Variants in ULK4 observed in about 807,000 individuals in gnomAD.
The protein encoded by ULK4 is unc-51 like kinase 4, also known as inactive serine/threonine-protein kinase ULK4.
A neutral mutation model predicts 160.6 loss-of-function variants in ULK4; 133 were observed. The ratio of observed to expected loss-of-function variants is 0.83; its 90% confidence interval spans 0.72 to 0.96. ULK4 has a LOEUF of 0.96. Ranked by LOEUF, ULK4 falls within the 40% of genes least tolerant of loss-of-function variation. The pLI is 0.00. For synonymous variants in ULK4, 534 were observed against 539.8 expected (o/e 0.99, Z 0.15); for missense variants, 1,580 against 1,499.5 (o/e 1.05, Z -0.89).
chr3:41,721,356 A>T (rs1407752089), intron 22 of ULK4, among the ~76,000 whole-genome samples: 1 of 61,640 alleles, frequency 1.6e-5, no homozygotes, highest in African/African-American at 8.8e-5. Flanking sequence ...ATATATATAT[A>T]TATATATTTT....
Position 41,306,748 on chromosome 3 carries a change from G to A in ULK4, c.3679-57174C>T, listed in dbSNP as rs1191527325. On this transcript the variant is annotated intron_variant, in intron 35 of 36. Transcript: ENST00000301831. ...AAGATTGAGAAATCGGATGGTTGCCGTGTCTGTGTAGAAAGAAGTAAACAT... is the reference window on the plus strand; with the variant it reads ...AAGATTGAGAAATCGGATGGTTGCCATGTCTGTGTAGAAAGAAGTAAACAT... 2.6e-5 allele frequency among the ~76,000 whole-genome samples: 4 copies of A among 151,846 alleles called. No individual in the cohort carries two copies. In the East Asian group the frequency reaches 5.8e-4, roughly 22 times the overall value.
chr3:41,875,791 A>G (rs1697275626), intron 17 of ULK4, among the ~76,000 whole-genome samples: 2 of 152,102 alleles, frequency 1.3e-5, no homozygotes, highest in African/African-American at 2.4e-5. Flanking sequence ...CATACATCAC[A>G]TGAGAGCTAA....
At chr3:41,405,938 G>A (rs146691270) in intron 34 of ULK4, among the ~76,000 whole-genome samples, 32 of 151,992 alleles carry the variant, frequency 2.1e-4, no homozygotes, top group South Asian at 6.2e-4. Context: ...TAGGTTGTCC[G>A]TTTCTTTTGC....
intron 32 of ULK4, among the ~76,000 whole-genome samples, chr3:41,562,187 A>T (rs973170913): frequency 6.6e-6 from 1 of 152,174 alleles, no homozygotes; most frequent in Non-Finnish European, 1.5e-5. Context: ...GAGTTTCCTA[A>T]TCCTGAGTTC....
chr3:41,393,050 A>G (rs976205162), intron 35 of ULK4, among the ~76,000 whole-genome samples: 23 of 152,178 alleles, frequency 1.5e-4, no homozygotes, highest in Non-Finnish European at 4.4e-5. Flanking sequence ...GCTTCAGACT[A>G]TGGGATAACT....
At chr3:41,486,762 C>T (rs576421008) in intron 32 of ULK4, among the ~76,000 whole-genome samples, 35 of 152,278 alleles carry the variant, frequency 2.3e-4, no homozygotes, top group African/African-American at 8.2e-4. Context: ...TCTGGACTAA[C>T]TGCAGAGGTT....
intron 32 of ULK4, among the ~76,000 whole-genome samples, chr3:41,563,067 C>G (rs1482786797): frequency 2.0e-5 from 3 of 152,032 alleles, no homozygotes; most frequent in Non-Finnish European, 4.4e-5. Flanking sequence ...TGGTGACAGT[C>G]TCTCAGCATT....
chr3:41,858,502 T>A (rs370957869), intron 17 of ULK4, among the ~76,000 whole-genome samples: 6,325 of 144,608 alleles, frequency 0.044, 428 homozygotes, highest in African/African-American at 0.16. Flanking sequence ...TTTCCAGAAA[T>A]TTTTCAATTT....
At chr3:41,953,588 T>C (rs1187569935) in intron 2 of ULK4, among the ~76,000 whole-genome samples, 2 of 151,996 alleles carry the variant, frequency 1.3e-5, no homozygotes, top group Admixed American at 1.3e-4. Flanking sequence ...ATATATTTTT[T>C]AAGCTAGGTA....
chr3:41,530,020 G>T (rs2086248111), intron 32 of ULK4, among the ~76,000 whole-genome samples: 1 of 152,138 alleles, frequency 6.6e-6, no homozygotes, highest in African/African-American at 2.4e-5. Flanking sequence ...TTTTTGCAGA[G>T]ATGAAAATAT....
intron 31 of ULK4, among the ~76,000 whole-genome samples, chr3:41,579,744 G>A (rs892582459): frequency 6.6e-5 from 10 of 151,894 alleles, no homozygotes; most frequent in Non-Finnish European, 1.0e-4. Flanking sequence ...CGCCCGTCTC[G>A]GCCTCCCAAA....
chr3:41,287,842 T>A (rs759183922), intron 35 of ULK4, among the ~76,000 whole-genome samples: 10 of 152,198 alleles, frequency 6.6e-5, no homozygotes, highest in Non-Finnish European at 1.5e-4. Flanking sequence ...GTCAGGTTTG[T>A]TCACAAATGT....
intron 27 of ULK4, among the ~76,000 whole-genome samples, chr3:41,691,393 C>G (rs2036292459): frequency 6.6e-6 from 1 of 151,846 alleles, no homozygotes; most frequent in African/African-American, 2.4e-5. Flanking sequence ...GGCCCTCTTC[C>G]AACTGTACTT....
At chr3:41,657,029 G>A (rs1216870368) in intron 30 of ULK4, among the ~76,000 whole-genome samples, 1 of 152,090 alleles carries the variant, frequency 6.6e-6, no homozygotes, top group Non-Finnish European at 1.5e-5. Flanking sequence ...GCAGTGCTCA[G>A]GGGAGTTAAC....
intron 35 of ULK4, among the ~76,000 whole-genome samples, chr3:41,370,198 T>TA (rs916609409): frequency 4.6e-4 from 68 of 147,362 alleles, no homozygotes; most frequent in African/African-American, 1.6e-3. Flanking sequence ...ATGAAGGAAT[T>TA]AAAAAAAAAA....
chr3:41,474,247 A>G (rs111504908), intron 32 of ULK4, among the ~76,000 whole-genome samples: 8 of 152,180 alleles, frequency 5.3e-5, no homozygotes, highest in Non-Finnish European at 1.0e-4. Context: ...TCAAGAACAT[A>G]TAATAGGGAA....
chr3:41,856,602 TGTGTATATATATAC>T lies in ULK4; in HGVS notation c.1657-20645_1657-20632del, dbSNP rs1242810292. 2.0e-3 allele frequency among the ~76,000 whole-genome samples: 158 copies of T among 78,476 alleles called. 6 individuals are homozygous for T. The highest frequency in any genetic ancestry group is 0.013 in the African/African-American group (152 of 11,852). 51.5% of individuals were successfully genotyped at this position (78,476 alleles called of 152,430 possible). ...GTATATATATACACATATATATATA[TGTGTATATATATAC>T]ACATATATATATATGTATATATATG... On this transcript the variant is annotated intron_variant, in intron 17 of 36. Coordinates refer to ENST00000301831, the MANE Select transcript of ULK4 (RefSeq NM_017886.4).
chr3:41,655,233 T>G (rs955858830), intron 30 of ULK4, among the ~76,000 whole-genome samples: 1 of 151,642 alleles, frequency 6.6e-6, no homozygotes, highest in Admixed American at 6.6e-5. Context: ...TGCAGGGACA[T>G]AGATGAAGCT....
intron 32 of ULK4, among the ~76,000 whole-genome samples, chr3:41,483,457 T>C (rs1457513979): frequency 6.6e-6 from 1 of 152,080 alleles, no homozygotes; most frequent in African/African-American, 2.4e-5. Flanking sequence ...CATATAGTTA[T>C]CTCTTAATTT....
Sources: allele counts gnomAD v4.1 joint callset (sites outside exome capture counted in the v4.1 genomes callset), GRCh38; gene constraint gnomAD v4.1.1; transcripts MANE v1.5; gene names NCBI Gene and HGNC (gene_info 2026-07-23, HGNC 2026-07-21).